NUBPL: variants seen among roughly 807,000 people sequenced by gnomAD.
The protein encoded by NUBPL is iron-sulfur cluster transfer protein NUBPL.
NUBPL carries 31 observed loss-of-function variants against 45.7 expected under a neutral mutation model. The ratio of observed to expected loss-of-function variants is 0.68; its 90% CI spans 0.51 to 0.92. The LOEUF (loss-of-function observed/expected upper bound fraction) is 0.92. Ranked by LOEUF, NUBPL falls within the 40% of genes least tolerant of loss-of-function variation. NUBPL has a pLI of 0.00. For synonymous variants in NUBPL, 144 were observed against 140.9 expected (o/e 1.02, Z -0.15); for missense variants, 401 against 398.7 (o/e 1.01, Z -0.05).
rs187690685 is a variant in NUBPL, at chr14:31,820,335, G to A, written c.608-6294G>A. Among the ~76,000 whole-genome samples the A allele has an allele frequency of 2.0e-4, 31 of 152,170 alleles. No individual in the cohort carries two copies. The East Asian group carries it at 2.1e-3, about 10-fold the overall frequency. ...CAGTCCCTTCATCACAAACTGAAGT[G>A]ACATCATTAATGATGGTATAAAGGG... On this transcript the variant is annotated intron_variant, in intron 7 of 10. Transcript: ENST00000281081.
intron 6 of NUBPL, among the ~76,000 whole-genome samples, chr14:31,694,748 T>G (rs1228428674): frequency 6.6e-6 from 1 of 152,216 alleles, no homozygotes; most frequent in Non-Finnish European, 1.5e-5. Context: ...ACTCCTGACC[T>G]CATGATCTGC....
chr14:31,663,439 T>C (rs1027578492), intron 4 of NUBPL, among the ~76,000 whole-genome samples: 1 of 152,220 alleles, frequency 6.6e-6, no homozygotes, highest in African/African-American at 2.4e-5. Flanking sequence ...AGGGGTCTAG[T>C]TTCAGTTTTA....
chr14:31,846,170 A>C (rs1429279122), intron 8 of NUBPL: 1 of 361,714 alleles, frequency 2.8e-6, no homozygotes, highest in East Asian at 7.1e-5. Flanking sequence ...ATCACCCCAC[A>C]ACCTGAAGAA....
chr14:31,758,187 G>T (rs2038715178), intron 6 of NUBPL, among the ~76,000 whole-genome samples: 1 of 152,018 alleles, frequency 6.6e-6, no homozygotes, highest in South Asian at 2.1e-4. Flanking sequence ...TGACTATCTT[G>T]TTCACTGTTA....
At chr14:31,602,986 A>C (rs2034486196) in intron 4 of NUBPL, among the ~76,000 whole-genome samples, 1 of 152,164 alleles carries the variant, frequency 6.6e-6, no homozygotes, top group Non-Finnish European at 1.5e-5. Context: ...AAGCTATCAG[A>C]AGCTTTAAGA....
At chr14:31,768,657 G>A (rs1163149901) in intron 6 of NUBPL, among the ~76,000 whole-genome samples, 1 of 152,160 alleles carries the variant, frequency 6.6e-6, no homozygotes, top group African/African-American at 2.4e-5. Flanking sequence ...CCTGTCCAAA[G>A]ACAGAGACTG....
At chr14:31,622,379 G>A (rs1476689055) in intron 4 of NUBPL, among the ~76,000 whole-genome samples, 8 of 152,076 alleles carry the variant, frequency 5.3e-5, no homozygotes, top group East Asian at 1.9e-4. Flanking sequence ...TTTTTGGGGG[G>A]AGAAATTCAA....
chr14:31,848,575 T>C (rs1376931801), intron 9 of NUBPL, among the ~76,000 whole-genome samples: 2 of 152,254 alleles, frequency 1.3e-5, no homozygotes, highest in Non-Finnish European at 2.9e-5. Context: ...ACCTATTATA[T>C]GTCTGAAATG....
At chr14:31,674,868 G>A (rs1436544249) in intron 6 of NUBPL, among the ~76,000 whole-genome samples, 1 of 152,104 alleles carries the variant, frequency 6.6e-6, no homozygotes, top group East Asian at 1.9e-4. Flanking sequence ...TAGGTGTGGT[G>A]GCTCACGCCT....
intron 6 of NUBPL, among the ~76,000 whole-genome samples, chr14:31,713,384 A>AT (rs901487772): frequency 6.8e-6 from 1 of 147,390 alleles, no homozygotes; most frequent in Admixed American, 6.6e-5. Context: ...TGTACCTTTC[A>AT]TTTTTTTCCT....
intron 6 of NUBPL, among the ~76,000 whole-genome samples, chr14:31,746,963 G>A (rs28788619): frequency 0.036 from 5,482 of 151,140 alleles, 176 homozygotes; most frequent in African/African-American, 0.077. Flanking sequence ...CCAGCTACTT[G>A]AGGGGCTGAG....
chr14:31,711,457 G>A (rs544974798), intron 6 of NUBPL, among the ~76,000 whole-genome samples: 1 of 152,220 alleles, frequency 6.6e-6, no homozygotes, highest in African/African-American at 2.4e-5. Context: ...CTCACCGCTC[G>A]GCGATAGGTG....
intron 6 of NUBPL, among the ~76,000 whole-genome samples, chr14:31,739,180 A>G (rs867559986): frequency 7.4e-6 from 1 of 134,554 alleles, no homozygotes; most frequent in Non-Finnish European, 1.6e-5. Flanking sequence ...CACCTGGCTA[A>G]TATATATATA....
chr14:31,826,846 T>C, intron 8 of NUBPL, 132 bp downstream of exon 8: 1 of 816,242 alleles, frequency 1.2e-6, no homozygotes, highest in Non-Finnish European at 2.0e-6. Flanking sequence ...GTTTATCATT[T>C]TGGTGACTTT....
intron 8 of NUBPL, chr14:31,845,026 C>T (rs576243704): frequency 1.3e-5 from 2 of 152,246 alleles, no homozygotes; most frequent in African/African-American, 4.8e-5. Context: ...TCGCCCTCCC[C>T]CCGCCACTGC....
chr14:31,749,345 C>T (rs907684174), intron 6 of NUBPL, among the ~76,000 whole-genome samples: 13 of 152,162 alleles, frequency 8.5e-5, no homozygotes, highest in Admixed American at 3.3e-4. Context: ...TGTCCTTTTG[C>T]TTCCAGATGA....
chr14:31,595,403 A>G (rs191215156), intron 3 of NUBPL, among the ~76,000 whole-genome samples: 4 of 152,364 alleles, frequency 2.6e-5, no homozygotes, highest in Admixed American at 6.5e-5. Context: ...TTACAATAGT[A>G]AGTTTACAGT....
chr14:31,570,323 A>G (rs1266792716), intron 3 of NUBPL, among the ~76,000 whole-genome samples: 1 of 152,208 alleles, frequency 6.6e-6, no homozygotes, highest in African/African-American at 2.4e-5. Flanking sequence ...TTTTATTAAT[A>G]TTGCTTCATA....
At chr14:31,831,052 A>T (rs1432363860) in intron 8 of NUBPL, among the ~76,000 whole-genome samples, 1 of 151,508 alleles carries the variant, frequency 6.6e-6, no homozygotes, top group Non-Finnish European at 1.5e-5. Flanking sequence ...TTATTTATTT[A>T]TTTATTTTTT....
Sources: gnomAD v4.1 joint callset for allele counts (sites outside exome capture counted in the v4.1 genomes callset) on GRCh38, gnomAD v4.1.1 for gene constraint, MANE v1.5 for transcripts, NCBI Gene and HGNC (gene_info 2026-07-23, HGNC 2026-07-21) for gene names.